RIMS1: variants seen among roughly 807,000 people sequenced by gnomAD.
RIMS1 encodes regulating synaptic membrane exocytosis protein 1.
In RIMS1, 83 loss-of-function variants were observed where a neutral mutation model predicts 214.1. That is an observed-to-expected ratio of 0.39 (90% CI 0.32 to 0.47). RIMS1 has a LOEUF of 0.47. Among genes scored for constraint, RIMS1 ranks in the 20% least tolerant of loss-of-function variants. The pLI is 0.99. For synonymous variants in RIMS1, 793 were observed against 786.8 expected (o/e 1.01, Z -0.13); for missense variants, 2,050 against 2,161.8 (o/e 0.95, Z 1.03).
At chr6:72,291,664 A>G (rs1327090174) in intron 25 of RIMS1, among the ~76,000 whole-genome samples, 1 of 152,220 alleles carries the variant, frequency 6.6e-6, no homozygotes, top group Non-Finnish European at 1.5e-5. Flanking sequence ...GAACAACTTA[A>G]TAGAAAGTTA....
At chr6:72,337,335 A>T (rs548253904) in intron 29 of RIMS1, among the ~76,000 whole-genome samples, 59 of 151,946 alleles carry the variant, frequency 3.9e-4, no homozygotes, top group Non-Finnish European at 1.2e-4. Flanking sequence ...AAATGAAGGC[A>T]TTATTGGGAA....
intron 1 of RIMS1, among the ~76,000 whole-genome samples, chr6:71,919,353 G>A (rs142102942): frequency 3.9e-5 from 6 of 152,138 alleles, no homozygotes; most frequent in Non-Finnish European, 7.4e-5. Flanking sequence ...AATTTTGACC[G>A]TGGCTAACCT....
At chr6:72,286,198 A>C (rs1035955614) in intron 24 of RIMS1, among the ~76,000 whole-genome samples, 2 of 134,228 alleles carry the variant, frequency 1.5e-5, no homozygotes, top group South Asian at 2.4e-4. Flanking sequence ...ACTCCATCTC[A>C]AAAAAAAAAA....
chr6:72,399,149 T>C (rs2098811868), intron 33 of RIMS1, 55 bp downstream of exon 33: 10 of 1,417,266 alleles, frequency 7.1e-6, no homozygotes, highest in Non-Finnish European at 9.5e-6. Context: ...TACCCATACA[T>C]CGAAGAGATG....
intron 2 of RIMS1, 85 bp from the exon 3 acceptor site, chr6:72,096,863 TG>T: frequency 8.5e-7 from 1 of 1,170,424 alleles, no homozygotes; most frequent in Non-Finnish European, 1.2e-6. Context: ...GCTTCCTTTT[TG>T]TTAGGAAATA....
At chr6:72,088,940 G>A (rs1166847757) in intron 2 of RIMS1, among the ~76,000 whole-genome samples, 1 of 151,378 alleles carries the variant, frequency 6.6e-6, no homozygotes, top group Non-Finnish European at 1.5e-5. Context: ...GAGGTGAGGA[G>A]GGGAAGGAAA....
At chr6:72,263,703 C>T in intron 19 of RIMS1, 1 of 985,240 alleles carries the variant, frequency 1.0e-6, no homozygotes, top group Non-Finnish European at 1.2e-6. Context: ...AATTTGTCCT[C>T]AACTTGTACT....
chr6:72,269,608 G>A (rs904718212), intron 22 of RIMS1, among the ~76,000 whole-genome samples: 1 of 151,928 alleles, frequency 6.6e-6, no homozygotes, highest in South Asian at 2.1e-4. Context: ...TTATGGTTTT[G>A]ACATATAACC....
chr6:72,328,163 A>G (rs1418034702), intron 28 of RIMS1, among the ~76,000 whole-genome samples: 1 of 151,944 alleles, frequency 6.6e-6, no homozygotes, highest in Admixed American at 6.6e-5. Flanking sequence ...AGGGACATGG[A>G]TGAAGCTGGA....
intron 29 of RIMS1, among the ~76,000 whole-genome samples, chr6:72,361,262 C>T (rs1307982110): frequency 6.6e-6 from 1 of 151,582 alleles, no homozygotes; most frequent in Admixed American, 6.6e-5. Flanking sequence ...CATGCCGCCA[C>T]GCCCTGCTTT....
At position 71,892,401 on chromosome 6, in the gene RIMS1, A is replaced by C. The variant is rs528495432; in HGVS notation, c.164+5214A>C. Among the ~76,000 whole-genome samples, 10 of 152,290 alleles carry C rather than the reference A, an allele frequency of 6.6e-5. No homozygotes were observed. The South Asian group carries it at 2.1e-3, about 32-fold the overall frequency. On this transcript the variant is annotated intron_variant, in intron 1 of 33. Coordinates refer to ENST00000521978, the MANE Select transcript of RIMS1 (RefSeq NM_014989.7). ...TTGGCATCTTCCTGACCCTTTGCTC[A>C]TGACATTTGATTCTGGAGTCCAGAG...
Position 72,237,911 on chromosome 6 carries a change from A to G in RIMS1, c.1946A>G (p.His649Arg), listed in dbSNP as rs1233242635. Reference protein sequence around the residue: ...KKGSLADVVGHLRAGDEVLEW... With the variant: ...KKGSLADVVGRLRAGDEVLEW... ...GGTAGCCTAGCAGATGTAGTTGGAC[A>G]CCTAAGAGCAGGTAAAGTTTCTTTT... is the stretch of plus-strand genomic sequence containing the variant. The change falls in exon 9 of 34, where the codon CAC (histidine) becomes CGC (arginine). Residue 649 changes from histidine to arginine, a missense_variant. His to Arg is a conservative substitution (Grantham distance 29). Coordinates refer to ENST00000521978, the MANE Select transcript of RIMS1 (RefSeq NM_014989.7). The G allele has an allele frequency of 6.2e-7, 1 of 1,605,982 alleles. No homozygotes were observed. The highest frequency in any genetic ancestry group is 8.5e-7 in the Non-Finnish European group (1 of 1,176,616).
intron 4 of RIMS1, among the ~76,000 whole-genome samples, chr6:72,174,324 G>T (rs1465142729): frequency 6.6e-6 from 1 of 152,146 alleles, no homozygotes. Flanking sequence ...GGGTTTGGGG[G>T]CATTATTAAG....
At chr6:72,390,388 G>A (rs2098683555) in intron 29 of RIMS1, among the ~76,000 whole-genome samples, 1 of 152,160 alleles carries the variant, frequency 6.6e-6, no homozygotes, top group African/African-American at 2.4e-5. Context: ...TGAAACTGTG[G>A]CCATGGCATA....
At chr6:72,266,235 G>C in intron 22 of RIMS1, 186 bp downstream of exon 22, 1 of 628,906 alleles carries the variant, frequency 1.6e-6, no homozygotes, top group South Asian at 1.8e-5. Context: ...TAAACCCAAG[G>C]GTACACATAC....
chr6:72,373,588 C>T (rs2098283601), intron 29 of RIMS1, among the ~76,000 whole-genome samples: 1 of 152,162 alleles, frequency 6.6e-6, no homozygotes, highest in Non-Finnish European at 1.5e-5. Flanking sequence ...ATTGATTCTG[C>T]TAAGGATGTC....
intron 2 of RIMS1, among the ~76,000 whole-genome samples, chr6:72,039,158 A>AGAG (rs2152072349): frequency 6.6e-6 from 1 of 151,774 alleles, no homozygotes; most frequent in African/African-American, 2.4e-5. Flanking sequence ...GGGCTTTCCA[A>AGAG]AAGAAGTACC....
chr6:72,086,535 A>G (rs938268963), intron 2 of RIMS1, among the ~76,000 whole-genome samples: 1 of 152,158 alleles, frequency 6.6e-6, no homozygotes, highest in African/African-American at 2.4e-5. Flanking sequence ...TTGTATTTAT[A>G]ATATCAGGTA....
chr6:71,971,339 G>A (rs1170730348), intron 2 of RIMS1, among the ~76,000 whole-genome samples: 2 of 152,146 alleles, frequency 1.3e-5, no homozygotes, highest in East Asian at 3.9e-4. Flanking sequence ...GTCAGGGAAA[G>A]ATAATAAGGT....
Sources: allele counts gnomAD v4.1 joint callset (sites outside exome capture counted in the v4.1 genomes callset), GRCh38; gene constraint gnomAD v4.1.1; transcripts MANE v1.5; gene names NCBI Gene and HGNC (gene_info 2026-07-23, HGNC 2026-07-21).